Variants in PPEF2 observed in about 807,000 individuals in gnomAD.
PPEF2 encodes serine/threonine-protein phosphatase with EF-hands 2.
In PPEF2, 84 loss-of-function variants were observed where a neutral mutation model predicts 84.7. That is an observed-to-expected ratio of 0.99 (90% CI 0.83 to 1.19). PPEF2 has a LOEUF of 1.19. Ranked by LOEUF, PPEF2 falls within the 50% of genes most tolerant of loss-of-function variation. The pLI is 0.00. For synonymous variants in PPEF2, 346 were observed against 345.2 expected (o/e 1.00, Z -0.03); for missense variants, 924 against 937.5 (o/e 0.99, Z 0.19).
chr4:75,890,486 C>G (rs1409058950), intron 4 of PPEF2, among the ~76,000 whole-genome samples: 1 of 29,906 alleles, frequency 3.3e-5, no homozygotes, highest in Non-Finnish European at 1.2e-4. Flanking sequence ...GAGACCCTGT[C>G]TCAAAAAAAA....
chr4:75,872,325 C>T (rs1724301690), intron 12 of PPEF2, among the ~76,000 whole-genome samples, 158 bp from the exon 13 acceptor site: 1 of 152,076 alleles, frequency 6.6e-6, no homozygotes, highest in African/African-American at 2.4e-5. Flanking sequence ...TTTCTAAAGG[C>T]ATCAATGCTA....
chr4:75,887,825 T>C (rs1724769482), intron 6 of PPEF2, among the ~76,000 whole-genome samples: 1 of 152,136 alleles, frequency 6.6e-6, no homozygotes, highest in South Asian at 2.1e-4. Flanking sequence ...AGGACTTCTT[T>C]CCAGGAGAGG....
intron 7 of PPEF2, among the ~76,000 whole-genome samples, chr4:75,886,532 A>G (rs913046503): frequency 1.3e-5 from 2 of 152,132 alleles, no homozygotes; most frequent in South Asian, 2.1e-4. Context: ...TCAGCCCTCG[A>G]CACAAGGGTT....
rs1434613570 is a variant in PPEF2 at position 75,896,401 on chromosome 4, G to T, written c.-58-18C>A. ...GCTGTTTGCTGACAAAATGAAGAGA[G>T]AATCTGTAATAGGAGATGCAGGCAG... is the stretch of plus-strand genomic sequence containing the variant. On this transcript the variant is annotated intron_variant, in intron 1 of 16. Coordinates refer to ENST00000286719, the MANE Select transcript of PPEF2 (RefSeq NM_006239.3). The T allele has an allele frequency of 2.6e-6, 4 of 1,510,260 alleles. No homozygotes were observed. Among genetic ancestry groups the T allele is most frequent in the Non-Finnish European group, 3.7e-6 (4 of 1,085,794 alleles). The allele number at this position is 1,510,260 out of a possible 1,614,324, so 93.6% of individuals were successfully genotyped here. A position where few individuals can be genotyped will look rare whatever the true frequency, so the allele number is the denominator to read the frequency against.
In PPEF2 at chr4:75,890,022, G is replaced by T. The variant is rs28436183; in HGVS notation, c.352C>A (p.Arg118Ser). 0.16 allele frequency: 253,319 copies of T among 1,613,672 alleles called. 21,215 individuals carry two copies. Among genetic ancestry groups the T allele is most frequent in the Non-Finnish European group, 0.18 (209,330 of 1,179,778 alleles). Residue 118 changes from arginine to serine, a missense_variant, in exon 5 of 17, where the codon CGC (arginine) becomes AGC (serine). By Grantham distance (110) the Arg-to-Ser change is moderately radical. Transcript: ENST00000286719. The stretch of plus-strand genomic sequence containing the variant: ...TCAGGCAGGAGTGGGAAGGAGAGGC[G>T]TGGCCCCGTGTAACTGTCGGGTACC... ...IEVPDSYTGP[R>S]LSFPLLPDHA...
intron 1 of PPEF2, among the ~76,000 whole-genome samples, chr4:75,900,029 T>C (rs1362692541): frequency 6.6e-6 from 1 of 152,224 alleles, no homozygotes; most frequent in Non-Finnish European, 1.5e-5. Context: ...AAATGATATA[T>C]TTAAAGTGCT....
At chr4:75,872,648 G>A (rs375819324) in intron 12 of PPEF2, among the ~76,000 whole-genome samples, 68 of 152,218 alleles carry the variant, frequency 4.5e-4, no homozygotes, top group African/African-American at 1.5e-3. Flanking sequence ...CTCTTCCTGA[G>A]GATTTACAGT....
chr4:75,874,841 T>G (rs1012089408), intron 11 of PPEF2, among the ~76,000 whole-genome samples: 5 of 151,972 alleles, frequency 3.3e-5, no homozygotes, highest in African/African-American at 1.2e-4. Flanking sequence ...CTACCCTCCA[T>G]CCAATCAATC....
chr4:75,884,452 G>A (rs1724668310), intron 8 of PPEF2, 142 bp downstream of exon 8: 1 of 947,156 alleles, frequency 1.1e-6, no homozygotes, highest in Non-Finnish European at 1.5e-6. Context: ...TTTTTTGAAT[G>A]TTATATACTG....
Position 75,879,964 on chromosome 4 carries a change from G to C in PPEF2, c.933+2962C>G, listed in dbSNP as rs539907913. ...CTGCCTCAGCCTCCCGAGTAGCTGG[G>C]AGTATAGGCGCGCGTCACCACATCC... On this transcript the variant is annotated intron_variant, in intron 10 of 16. Transcript: ENST00000286719. Among the ~76,000 whole-genome samples, 4 of 152,096 alleles carry C rather than the reference G, an allele frequency of 2.6e-5. No homozygotes were observed. The South Asian group carries it at 8.3e-4, about 32-fold the overall frequency.
At chr4:75,901,545 G>A (rs967298751) in intron 1 of PPEF2, among the ~76,000 whole-genome samples, 8 of 151,340 alleles carry the variant, frequency 5.3e-5, no homozygotes, top group Non-Finnish European at 8.8e-5. Context: ...GAAATGAACA[G>A]AAAGGGGAAG....
At chr4:75,873,461 A>C in intron 11 of PPEF2, 149 bp from the exon 12 acceptor site, 1 of 795,304 alleles carries the variant, frequency 1.3e-6, no homozygotes, top group East Asian at 2.7e-5. Context: ...ATACATTTAT[A>C]TTTTGGACCT....
At chr4:75,895,127 A>ATTT (rs34515110) in intron 2 of PPEF2, among the ~76,000 whole-genome samples, 25,984 of 129,000 alleles carry the variant, frequency 0.2, 2,862 homozygotes, top group Non-Finnish European at 0.26. Flanking sequence ...CAGCTAATTA[A>ATTT]TTTTTTTTTT....
intron 1 of PPEF2, among the ~76,000 whole-genome samples, chr4:75,901,380 G>A (rs776124059): frequency 5.3e-5 from 8 of 152,136 alleles, no homozygotes; most frequent in Admixed American, 1.3e-4. Flanking sequence ...GCTGGGCATG[G>A]TGGCACATGC....
chr4:75,864,560 A>C (rs200071084), intron 15 of PPEF2, 33 bp from the exon 16 acceptor site: 1 of 1,504,382 alleles, frequency 6.6e-7, no homozygotes, highest in East Asian at 2.3e-5. Context: ...CTTCTTTGTC[A>C]TACGTTTAGA....
chr4:75,884,705 C>G lies in PPEF2; in HGVS notation c.635G>C (p.Arg212Pro). The G allele has an allele frequency of 6.2e-7, 1 of 1,613,158 alleles. No homozygotes were observed. Among genetic ancestry groups the G allele is most frequent in the Non-Finnish European group, 8.5e-7 (1 of 1,179,710 alleles). Residue 212 changes from arginine (R) to proline (P), a missense_variant, in exon 8 of 17, where the codon CGA (arginine) becomes CCA (proline). By Grantham distance (103) the Arg-to-Pro change is moderately radical. Coordinates refer to ENST00000286719, the MANE Select transcript of PPEF2 (RefSeq NM_006239.3). ...SYVFNGDFVD[R>P]GKDSVEILMI... is the part of the protein sequence containing the mutation. ...CAGGATCTCTACTGAATCCTTGCCT[C>G]GATCCACAAAGTCACCGTTGAACAC...
intron 15 of PPEF2, 93 bp from the exon 16 acceptor site, chr4:75,864,620 T>C: frequency 9.7e-7 from 1 of 1,030,556 alleles, no homozygotes; most frequent in Non-Finnish European, 1.5e-6. Context: ...AATCACACAT[T>C]CTTGAAAAAA....
intron 13 of PPEF2, among the ~76,000 whole-genome samples, chr4:75,870,497 T>C (rs1454236274): frequency 4.6e-5 from 7 of 152,218 alleles, no homozygotes; most frequent in African/African-American, 1.7e-4. Context: ...TGATTTATGC[T>C]AGTTTTGCCG....
rs552580744 is a variant in PPEF2, at chr4:75,890,246, G to C, written c.242-114C>G. On this transcript the variant is annotated intron_variant, in intron 4 of 16. Coordinates refer to ENST00000286719, the MANE Select transcript of PPEF2 (RefSeq NM_006239.3). ...TGGCTCTCTAATCCCAGAAATTTGC[G>C]GGGCCAAGGAGGGAGGATTGCTTGA... is the stretch of plus-strand genomic sequence containing the variant. The C allele has an allele frequency of 1.4e-5, 16 of 1,184,474 alleles. No homozygotes were observed. In the African/African-American group the frequency reaches 2.1e-4, roughly 16 times the overall value. The allele number at this position is 1,184,474 out of a possible 1,614,324, so 73.4% of individuals were successfully genotyped here. A position where few individuals can be genotyped will look rare whatever the true frequency, so the allele number is the denominator to read the frequency against.
Sources: gnomAD v4.1 joint callset for allele counts (sites outside exome capture counted in the v4.1 genomes callset) on GRCh38, gnomAD v4.1.1 for gene constraint, MANE v1.5 for transcripts, NCBI Gene and HGNC (gene_info 2026-07-23, HGNC 2026-07-21) for gene names.